ALK: variants seen among roughly 807,000 people sequenced by gnomAD.
ALK encodes ALK tyrosine kinase receptor.
In ALK, 74 loss-of-function variants were observed where a neutral mutation model predicts 163.1. The ratio of observed to expected loss-of-function variants is 0.45; its 90% CI spans 0.38 to 0.55. The LOEUF (loss-of-function observed/expected upper bound fraction) is 0.55. Among genes scored for constraint, ALK ranks in the 20% least tolerant of loss-of-function variants. The pLI is 0.00. For missense variants in ALK, 2,063 were observed against 2,105.3 expected (o/e 0.98, Z 0.39); for synonymous variants, 960 against 843.2 (o/e 1.14, Z -2.40).
intron 3 of ALK, among the ~76,000 whole-genome samples, chr2:29,680,739 CAT>C (rs557149788): frequency 2.0e-5 from 3 of 152,048 alleles, no homozygotes; most frequent in Non-Finnish European, 4.4e-5. Flanking sequence ...TTATGAGTCA[CAT>C]TGTATTATTT....
intron 1 of ALK, among the ~76,000 whole-genome samples, chr2:29,835,522 C>T (rs549961258): frequency 1.2e-4 from 18 of 152,298 alleles, no homozygotes; most frequent in African/African-American, 4.1e-4. Flanking sequence ...TCCAGATGTT[C>T]GTGTATCTCC....
chr2:29,578,052 C>A lies in ALK; in HGVS notation c.953-45936G>T, dbSNP rs561862510. Among the ~76,000 whole-genome samples the A allele has an allele frequency of 2.0e-5, 3 of 152,282 alleles. No individual in the cohort carries two copies. The East Asian group carries it at 5.8e-4, about 29-fold the overall frequency. On this transcript the variant is annotated intron_variant, in intron 3 of 28. Coordinates refer to ENST00000389048, the MANE Select transcript of ALK (RefSeq NM_004304.5). ...CTGATAGGGTTTGGCTGTGTCCCCA[C>A]CCAAATCGCATCTTGAATTCCCACG...
chr2:29,722,238 A>T (rs1023401546), intron 1 of ALK, among the ~76,000 whole-genome samples: 1 of 152,242 alleles, frequency 6.6e-6, no homozygotes, highest in African/African-American at 2.4e-5. Flanking sequence ...GCTGAGTATT[A>T]TATTTTATCC....
intron 5 of ALK, among the ~76,000 whole-genome samples, chr2:29,375,151 A>C (rs188426784): frequency 3.9e-5 from 6 of 152,272 alleles, no homozygotes; most frequent in African/African-American, 7.2e-5. Context: ...GCAAGGAAGC[A>C]GGTTAGTTCT....
At chr2:29,581,555 T>A (rs1295393826) in intron 3 of ALK, among the ~76,000 whole-genome samples, 1 of 152,136 alleles carries the variant, frequency 6.6e-6, no homozygotes, top group African/African-American at 2.4e-5. Context: ...TCTGCTCTCC[T>A]CTCCCTGCTG....
At chr2:29,615,401 G>A (rs1282406937) in intron 3 of ALK, among the ~76,000 whole-genome samples, 1 of 152,120 alleles carries the variant, frequency 6.6e-6, no homozygotes, top group South Asian at 2.1e-4. Flanking sequence ...GTTTACTTTG[G>A]GCAAATGGTT....
At chr2:29,286,436 T>C (rs1665859592) in intron 9 of ALK, 1 of 152,166 alleles carries the variant, frequency 6.6e-6, no homozygotes, top group Non-Finnish European at 1.5e-5. Flanking sequence ...GAAAGTCAAC[T>C]GGGGAACTTT....
chr2:29,813,434 G>A (rs1029310505), intron 1 of ALK, among the ~76,000 whole-genome samples: 1 of 152,138 alleles, frequency 6.6e-6, no homozygotes, highest in Admixed American at 6.5e-5. Flanking sequence ...GGATGGAGGA[G>A]GAGGAGGAGG....
Position 29,744,143 on chromosome 2 carries a change from G to A in ALK, c.668-26446C>T, listed in dbSNP as rs573953191. On this transcript the variant is annotated intron_variant, in intron 1 of 28. Coordinates refer to ENST00000389048, the MANE Select transcript of ALK (RefSeq NM_004304.5). ...TTGGGACTAGCAGATGCCTTAGGGA[G>A]TATTTAATCCAAACTCACCACACAC... Among the ~76,000 whole-genome samples, 6 of 152,230 alleles carry A rather than the reference G, an allele frequency of 3.9e-5. 1 individual carries two copies. The South Asian group carries it at 6.2e-4, about 16-fold the overall frequency.
At chr2:29,740,153 G>A (rs1024754447) in intron 1 of ALK, among the ~76,000 whole-genome samples, 8 of 152,078 alleles carry the variant, frequency 5.3e-5, no homozygotes, top group Non-Finnish European at 1.0e-4. Context: ...CTCTACTTCT[G>A]ACATTGAGAA....
At chr2:29,792,323 T>C (rs1204945481) in intron 1 of ALK, among the ~76,000 whole-genome samples, 1 of 152,140 alleles carries the variant, frequency 6.6e-6, no homozygotes, top group Non-Finnish European at 1.5e-5. Context: ...GACTCAGGTC[T>C]GTATAAGAAT....
intron 11 of ALK, among the ~76,000 whole-genome samples, chr2:29,260,665 T>C (rs922574441): frequency 6.6e-6 from 1 of 151,734 alleles, no homozygotes; most frequent in African/African-American, 2.4e-5. Context: ...GGTAAAACCG[T>C]CTCTACTGAA....
Position 29,203,485 on chromosome 2 carries a change from CTTTTTTTTTTT to C in ALK, c.3938+3675_3938+3685del, listed in dbSNP as rs1156462365. On this transcript the variant is annotated intron_variant, in intron 26 of 28. Transcript: ENST00000389048. ...TATCACCATTGGCCTGAGGATGTGC[CTTTTTTTTTTT>C]TTTTTTTTTTTTTTTTGTGAGACAG... is the stretch of plus-strand genomic sequence containing the variant. Among the ~76,000 whole-genome samples the C allele has an allele frequency of 1.9e-3, 62 of 32,554 alleles. 5 individuals carry two copies. In the South Asian group the frequency reaches 0.096, roughly 50 times the overall value. 21.4% of individuals were successfully genotyped at this position (32,554 alleles called of 152,430 possible).
chr2:29,449,662 G>T (rs950993340), intron 4 of ALK, among the ~76,000 whole-genome samples: 1 of 152,202 alleles, frequency 6.6e-6, no homozygotes, highest in Admixed American at 6.5e-5. Context: ...GAGGGCTTAC[G>T]GATGTTTGTT....
chr2:29,318,426 A>G (rs1032819113), intron 7 of ALK, 22 bp from the exon 8 acceptor site: 2 of 1,552,510 alleles, frequency 1.3e-6, no homozygotes, highest in Middle Eastern at 3.4e-4. Context: ...GAAAAGAATC[A>G]CAAGCACGCC....
chr2:29,278,085 G>C (rs959985665), intron 9 of ALK, among the ~76,000 whole-genome samples: 5 of 152,202 alleles, frequency 3.3e-5, no homozygotes, highest in African/African-American at 9.7e-5. Flanking sequence ...AGGGTGGGGA[G>C]AGCAGGAGGG....
chr2:29,260,091 T>G (rs1665048377), intron 11 of ALK, among the ~76,000 whole-genome samples: 1 of 152,232 alleles, frequency 6.6e-6, no homozygotes, highest in Admixed American at 6.5e-5. Flanking sequence ...TAACTTCTAT[T>G]TCTTATAAGG....
chr2:29,628,305 A>G (rs549788661), intron 3 of ALK, among the ~76,000 whole-genome samples: 4 of 152,330 alleles, frequency 2.6e-5, no homozygotes, highest in African/African-American at 9.6e-5. Flanking sequence ...AGTAAAATTT[A>G]CAAATTTTCT....
At chr2:29,214,856 T>C (rs905705263) in intron 23 of ALK, among the ~76,000 whole-genome samples, 3 of 152,192 alleles carry the variant, frequency 2.0e-5, no homozygotes, top group African/African-American at 7.2e-5. Flanking sequence ...TCCATGTTGA[T>C]TTCACCATTT....
Sources: allele counts gnomAD v4.1 joint callset (sites outside exome capture counted in the v4.1 genomes callset), GRCh38; gene constraint gnomAD v4.1.1; transcripts MANE v1.5; gene names NCBI Gene and HGNC (gene_info 2026-07-23, HGNC 2026-07-21).